CNTNAP2: variants seen among roughly 807,000 people sequenced by gnomAD.
CNTNAP2 encodes the protein contactin-associated protein-like 2.
CNTNAP2 carries 98 observed loss-of-function variants against 155.2 expected under a neutral mutation model. The ratio of observed to expected loss-of-function variants is 0.63; its 90% CI spans 0.54 to 0.75. CNTNAP2 has a LOEUF of 0.75. Among genes scored for constraint, CNTNAP2 ranks in the 30% least tolerant of loss-of-function variants. The pLI is 0.00. For missense variants in CNTNAP2, 1,727 were observed against 1,688.1 expected (o/e 1.02, Z -0.40); for synonymous variants, 651 against 631.2 (o/e 1.03, Z -0.47).
At chr7:146,933,267 C>A (rs985990774) in intron 3 of CNTNAP2, among the ~76,000 whole-genome samples, 39 of 152,114 alleles carry the variant, frequency 2.6e-4, no homozygotes, top group African/African-American at 9.4e-4. Context: ...AGAACAGAGC[C>A]CTCAGAAATA....
rs576414078 is a variant in CNTNAP2 at position 146,677,959 on chromosome 7, G to A, written c.98-96312G>A. Among the ~76,000 whole-genome samples, 6 of 152,104 alleles carry A rather than the reference G, an allele frequency of 3.9e-5. No individual in the cohort carries two copies. In the South Asian group the frequency reaches 6.2e-4, roughly 16 times the overall value. On this transcript the variant is annotated intron_variant, in intron 1 of 23. Coordinates refer to ENST00000361727, the MANE Select transcript of CNTNAP2 (RefSeq NM_014141.6). Reference sequence around the variant, plus strand: ...ATATCTCTCTGGGCCTGCATACCTCGCATAGTTCATGCTATTCTGAGCTAT... The same window carrying A: ...ATATCTCTCTGGGCCTGCATACCTCACATAGTTCATGCTATTCTGAGCTAT...
intron 8 of CNTNAP2, among the ~76,000 whole-genome samples, chr7:147,218,108 T>C (rs1442401088): frequency 6.6e-6 from 1 of 151,960 alleles, no homozygotes; most frequent in Non-Finnish European, 1.5e-5. Context: ...CCTTGACTTT[T>C]CCCTATTGAT....
rs963248072 is a variant in CNTNAP2, at chr7:146,826,840, A to G, written c.209-12871A>G. On this transcript the variant is annotated intron_variant, in intron 2 of 23. Transcript: ENST00000361727. Reference sequence around the variant, plus strand: ...TTTAAGAATGAATGAATATATGTATATATATATATATATATATAGAGAGAG... The same window carrying G: ...TTTAAGAATGAATGAATATATGTATGTATATATATATATATATAGAGAGAG... Among the ~76,000 whole-genome samples the G allele has an allele frequency of 2.4e-3, 310 of 128,086 alleles. 2 individuals are homozygous for G. The highest frequency in any genetic ancestry group is 9.8e-3 in the African/African-American group (299 of 30,398). The allele number at this position is 128,086 out of a possible 152,430, so 84.0% of individuals were successfully genotyped here.
intron 1 of CNTNAP2, among the ~76,000 whole-genome samples, chr7:146,498,250 A>ACATC (rs746066963): frequency 5.9e-5 from 9 of 152,208 alleles, no homozygotes; most frequent in Admixed American, 1.3e-4. Context: ...TGCCTAGACC[A>ACATC]CATCCTCATT....
intron 1 of CNTNAP2, among the ~76,000 whole-genome samples, chr7:146,759,663 G>A (rs1802054491): frequency 9.0e-6 from 1 of 110,972 alleles, no homozygotes; most frequent in African/African-American, 3.5e-5. Context: ...CTCCATCCTG[G>A]CAACACAGTG....
chr7:147,033,958 A>G (rs1028819867), intron 3 of CNTNAP2, among the ~76,000 whole-genome samples: 1 of 152,178 alleles, frequency 6.6e-6, no homozygotes, highest in Non-Finnish European at 1.5e-5. Flanking sequence ...AGAGTAGGGA[A>G]AAACGGCTGC....
intron 15 of CNTNAP2, among the ~76,000 whole-genome samples, chr7:148,099,889 T>G (rs532541096): frequency 9.5e-5 from 13 of 136,558 alleles, no homozygotes; most frequent in African/African-American, 3.8e-4. Context: ...TTTTTTTTTT[T>G]TGAGACGGAG....
chr7:148,127,981 C>G (rs1473373492), intron 16 of CNTNAP2, among the ~76,000 whole-genome samples: 1 of 152,120 alleles, frequency 6.6e-6, no homozygotes, highest in Non-Finnish European at 1.5e-5. Context: ...GTGATCCTCT[C>G]ACCTCAGCCT....
chr7:148,146,959 T>A (rs1482105602), intron 16 of CNTNAP2, among the ~76,000 whole-genome samples: 2 of 152,172 alleles, frequency 1.3e-5, no homozygotes, highest in Non-Finnish European at 2.9e-5. Context: ...CCTGGGGAGT[T>A]TTTTTAAAAT....
intron 15 of CNTNAP2, among the ~76,000 whole-genome samples, chr7:148,019,380 T>G (rs948766726): frequency 5.3e-5 from 8 of 152,194 alleles, no homozygotes; most frequent in Non-Finnish European, 8.8e-5. Flanking sequence ...TGCTTTCGCT[T>G]CTTGCCTCCC....
rs73164063 is a variant in CNTNAP2, at chr7:146,517,499, G to A, written c.98-256772G>A. On this transcript the variant is annotated intron_variant, in intron 1 of 23. Coordinates refer to ENST00000361727, the MANE Select transcript of CNTNAP2 (RefSeq NM_014141.6). The stretch of plus-strand genomic sequence containing the variant: ...GGAGGTAAGTTTAGCATCAGAAAAT[G>A]TCTGATGTGGCTTGAATGTGGAATG... Among the ~76,000 whole-genome samples, 981 of 152,060 alleles carry A rather than the reference G, an allele frequency of 6.5e-3. 8 individuals carry two copies. The highest frequency in any genetic ancestry group is 8.9e-3 in the Non-Finnish European group (607 of 67,908).
chr7:147,747,647 G>C (rs1221076393), intron 13 of CNTNAP2, among the ~76,000 whole-genome samples: 3 of 152,116 alleles, frequency 2.0e-5, no homozygotes, highest in Non-Finnish European at 4.4e-5. Flanking sequence ...GATAGTTCTA[G>C]TTTTAGTTTT....
intron 1 of CNTNAP2, among the ~76,000 whole-genome samples, chr7:146,578,866 C>A (rs1056072624): frequency 6.6e-6 from 1 of 151,686 alleles, no homozygotes; most frequent in Non-Finnish European, 1.5e-5. Context: ...TTTTTAAATC[C>A]CTGCTCCATT....
chr7:146,766,706 A>T (rs1802201229), intron 1 of CNTNAP2, among the ~76,000 whole-genome samples: 2 of 152,306 alleles, frequency 1.3e-5, no homozygotes, highest in South Asian at 4.1e-4. Context: ...TTACTTGGCT[A>T]TCACGTAAGT....
chr7:146,356,443 G>T (rs530655709), intron 1 of CNTNAP2, among the ~76,000 whole-genome samples: 1 of 152,164 alleles, frequency 6.6e-6, no homozygotes, highest in South Asian at 2.1e-4. Flanking sequence ...TTCTTCATGT[G>T]GGGGTGTGGG....
chr7:146,774,341 T>C lies in CNTNAP2; in HGVS notation c.168T>C (p.Gly56=). 1 of 1,614,040 alleles carries C rather than the reference T, an allele frequency of 6.2e-7. No individual in the cohort carries two copies. The highest frequency in any genetic ancestry group is 8.5e-7 in the Non-Finnish European group (1 of 1,179,974). The change falls in exon 2 of 24, where the codon GGT becomes GGC. Residue 56 remains glycine (G), a synonymous_variant. Coordinates refer to ENST00000361727, the MANE Select transcript of CNTNAP2 (RefSeq NM_014141.6). ...TCAGCAGCTCCTCCTCCATCTCTGG[T>C]AGCTATTCTCCCGGCTATGCCAAGA... ...VAFSSSSSIS[G]SYSPGYAKIN...
rs184022777 is a variant in CNTNAP2 at position 146,231,541 on chromosome 7, A to G, written c.97+114568A>G. 3.3e-5 allele frequency among the ~76,000 whole-genome samples: 5 copies of G among 152,338 alleles called. No homozygotes were observed. The East Asian group carries it at 7.7e-4, about 24-fold the overall frequency. On this transcript the variant is annotated intron_variant, in intron 1 of 23. Transcript: ENST00000361727. The stretch of plus-strand genomic sequence containing the variant: ...TGTGAATGTAGAATGAGCATAAAAT[A>G]TAATTAAATTAAAGCGTAATCAGCA...
intron 3 of CNTNAP2, chr7:146,962,775 C>G (rs192673807): frequency 6.6e-6 from 1 of 152,088 alleles, no homozygotes; most frequent in Admixed American, 6.6e-5. Flanking sequence ...GGTCTCGAAC[C>G]CCTGACCTCA....
chr7:147,102,464 G>A (rs532318751), intron 4 of CNTNAP2, among the ~76,000 whole-genome samples: 1 of 152,164 alleles, frequency 6.6e-6, no homozygotes, highest in Non-Finnish European at 1.5e-5. Context: ...GAATCTAAAT[G>A]GTATGCAGAA....
Sources: allele counts gnomAD v4.1 joint callset (sites outside exome capture counted in the v4.1 genomes callset), GRCh38; gene constraint gnomAD v4.1.1; transcripts MANE v1.5; gene names NCBI Gene and HGNC (gene_info 2026-07-23, HGNC 2026-07-21).